The following STARD9 variants were observed in gnomAD, a reference collection of about 807,000 sequenced individuals.
The protein encoded by STARD9 is StAR related lipid transfer domain containing 9.
A neutral mutation model predicts 399.8 loss-of-function variants in STARD9; 346 were observed. The ratio of observed to expected loss-of-function variants is 0.87; its 90% CI spans 0.79 to 0.95. The LOEUF is 0.95. Ranked by LOEUF, STARD9 falls within the 40% of genes least tolerant of loss-of-function variation. The pLI is 0.00. For synonymous variants in STARD9, 2,203 were observed against 2,143.5 expected (o/e 1.03, Z -0.77); for missense variants, 5,832 against 5,667.5 (o/e 1.03, Z -0.93).
chr15:42,667,357 G>T (rs768854587), intron 15 of STARD9, among the ~76,000 whole-genome samples: 4 of 151,366 alleles, frequency 2.6e-5, no homozygotes, highest in Non-Finnish European at 4.4e-5. Context: ...ACTAATTTTT[G>T]TATCTTTAGT....
intron 26 of STARD9, among the ~76,000 whole-genome samples, chr15:42,710,389 T>A (rs2061188796): frequency 6.6e-6 from 1 of 152,100 alleles, no homozygotes. Flanking sequence ...TTGATTTTTT[T>A]ATTGTTATAA....
At chr15:42,697,719 A>G (rs116318862) in intron 26 of STARD9, among the ~76,000 whole-genome samples, 4,341 of 152,300 alleles carry the variant, frequency 0.029, 180 homozygotes, top group African/African-American at 0.088. Flanking sequence ...CCGTGTGTAT[A>G]AGGTATATAT....
intron 3 of STARD9, among the ~76,000 whole-genome samples, chr15:42,617,354 T>C (rs1174435951): frequency 6.6e-6 from 1 of 152,190 alleles, no homozygotes; most frequent in Non-Finnish European, 1.5e-5. Context: ...TGATAACTAT[T>C]ACCTATAATA....
chr15:42,577,153 CT>C (rs1439384843), intron 1 of STARD9, among the ~76,000 whole-genome samples: 6 of 151,492 alleles, frequency 4.0e-5, no homozygotes, highest in Non-Finnish European at 4.4e-5. Context: ...GAATTTCTTT[CT>C]TTTTTCTTTT....
rs1351808283 is a variant in STARD9, at chr15:42,657,471, C to G, written c.703-3687C>G. 2.6e-5 allele frequency among the ~76,000 whole-genome samples: 4 copies of G among 152,196 alleles called. No individual in the cohort carries two copies. In the East Asian group the frequency reaches 7.7e-4, roughly 29 times the overall value. Reference sequence around the variant, plus strand: ...TACAACATTTATAAATGTATGCACCCTGAACAACCAAACCTCAAAATACAT... The same window carrying G: ...TACAACATTTATAAATGTATGCACCGTGAACAACCAAACCTCAAAATACAT... On this transcript the variant is annotated intron_variant, in intron 9 of 32. Coordinates refer to ENST00000290607, the MANE Select transcript of STARD9 (RefSeq NM_020759.3).
chr15:42,655,283 A>G (rs2059844575), intron 9 of STARD9, among the ~76,000 whole-genome samples: 2 of 152,356 alleles, frequency 1.3e-5, no homozygotes, highest in African/African-American at 4.8e-5. Flanking sequence ...CTTCGTCTCA[A>G]AAACAACAAC....
At chr15:42,713,083 G>T (rs2061280100) in intron 26 of STARD9, among the ~76,000 whole-genome samples, 2 of 152,108 alleles carry the variant, frequency 1.3e-5, no homozygotes, top group African/African-American at 2.4e-5. Context: ...GTGAATATGG[G>T]ATGTCATTGT....
At chr15:42,590,363 C>T (rs2058370432) in intron 3 of STARD9, among the ~76,000 whole-genome samples, 1 of 152,116 alleles carries the variant, frequency 6.6e-6, no homozygotes, top group Non-Finnish European at 1.5e-5. Context: ...TCTTTCATCC[C>T]TAGGTTTCTT....
At chr15:42,614,387 G>A (rs1365392815) in intron 3 of STARD9, among the ~76,000 whole-genome samples, 1 of 151,798 alleles carries the variant, frequency 6.6e-6, no homozygotes. Context: ...GTCGAAGTAG[G>A]CACTTCATAG....
intron 9 of STARD9, among the ~76,000 whole-genome samples, chr15:42,660,823 G>A (rs1296711733): frequency 6.6e-6 from 1 of 152,082 alleles, no homozygotes; most frequent in Non-Finnish European, 1.5e-5. Flanking sequence ...AGAGCCCCCT[G>A]GGAGGGAGTT....
At chr15:42,650,922 A>G (rs1595708050) in intron 7 of STARD9, 94 bp from the exon 8 acceptor site, 2 of 823,974 alleles carry the variant, frequency 2.4e-6, no homozygotes, top group East Asian at 2.9e-5. Flanking sequence ...CTATTAAACA[A>G]TATGAAATAG....
At chr15:42,602,028 G>A (rs1387224536) in intron 3 of STARD9, among the ~76,000 whole-genome samples, 1 of 152,136 alleles carries the variant, frequency 6.6e-6, no homozygotes, top group Admixed American at 6.5e-5. Flanking sequence ...TATATTTTTA[G>A]TAGAGACAGT....
intron 16 of STARD9, chr15:42,670,951 G>A (rs1022944017): frequency 6.6e-6 from 1 of 152,090 alleles, no homozygotes; most frequent in Non-Finnish European, 1.5e-5. Flanking sequence ...GATTAAAATG[G>A]TCACTATTTG....
chr15:42,693,913 C>T lies in STARD9; in HGVS notation c.12335C>T (p.Pro4112Leu), dbSNP rs1214009390. The stretch of plus-strand genomic sequence containing the variant: ...TTGGGCCTCCCTCAGGCCTGCCAAC[C>T]TGAGGAGTTACTGTGCTTCAGTTGC... ...SALGLPQACQ[P>L]EELLCFSCQM... Residue 4112 changes from proline to leucine, a missense_variant, in exon 23 of 33, where the codon CCT becomes CTT. By Grantham distance (98) the Pro-to-Leu change is moderately conservative. Transcript: ENST00000290607. 2.0e-6 allele frequency: 3 copies of T among 1,517,218 alleles called. No homozygotes were observed. Among genetic ancestry groups the T allele is most frequent in the African/African-American group, 1.4e-5 (1 of 72,722 alleles). 94.0% of individuals were successfully genotyped at this position (1,517,218 alleles called of 1,614,324 possible).
At chr15:42,699,374 G>T (rs1194858351) in intron 26 of STARD9, among the ~76,000 whole-genome samples, 2 of 140,690 alleles carry the variant, frequency 1.4e-5, no homozygotes, top group Non-Finnish European at 3.0e-5. Context: ...TCTTCTATGA[G>T]ATCAACTTTT....
Position 42,685,671 on chromosome 15 carries a change from G to T in STARD9, c.4093G>T (p.Glu1365Ter). 6.5e-7 allele frequency: 1 copy of T among 1,537,286 alleles called. No homozygotes were observed. Among genetic ancestry groups the T allele is most frequent in the Non-Finnish European group, 8.7e-7 (1 of 1,146,942 alleles). Residue 1365 changes from glutamate (E) to a stop codon, truncating the protein, a stop_gained, in exon 23 of 33, where the codon GAA (glutamate) becomes TAA (stop). Transcript: ENST00000290607. LOFTEE classifies it high-confidence loss of function. ...GSLCPSPDMQ[E>*]FHSCKGERPG... ...TTTATGTCCAAGTCCTGATATGCAG[G>T]AATTTCACTCCTGTAAGGGGGAGAG...
At position 42,685,656 on chromosome 15, in the gene STARD9, A is replaced by C. The variant is rs2060536124; in HGVS notation, c.4078A>C (p.Ser1360Arg). ...PPGIVGSLCP[S>R]PDMQEFHSCK... is the part of the protein sequence containing the mutation. ...AGGAATAGTGGGTTCTTTATGTCCA[A>C]GTCCTGATATGCAGGAATTTCACTC... Residue 1360 changes from serine (S) to arginine (R), a missense_variant, in exon 23 of 33, where the codon AGT becomes CGT. This residue lies in a region of STARD9 where 5,828 missense variants were observed against 5,651.1 expected (regional missense o/e 1.03). Transcript: ENST00000290607. The C allele has an allele frequency of 6.5e-7, 1 of 1,537,244 alleles. No homozygotes were observed. The highest frequency in any genetic ancestry group is 2.4e-5 in the East Asian group (1 of 40,908).
At chr15:42,653,663 A>C (rs576093894) in intron 9 of STARD9, among the ~76,000 whole-genome samples, 33 of 152,248 alleles carry the variant, frequency 2.2e-4, no homozygotes, top group African/African-American at 7.7e-4. Context: ...GATTGGAAAA[A>C]TAAAAAGTAG....
In STARD9 at chr15:42,707,712, C is replaced by T. The variant is rs142421017; in HGVS notation, c.13285-8965C>T. On this transcript the variant is annotated intron_variant, in intron 26 of 32. Transcript: ENST00000290607. ...GTCTTGAACTCCTGACCTCATGATC[C>T]GCCCATAAGATGAGATATATTACTA... is the stretch of plus-strand genomic sequence containing the variant. 3.2e-4 allele frequency among the ~76,000 whole-genome samples: 48 copies of T among 151,984 alleles called. No homozygotes were observed. In the East Asian group the frequency reaches 5.2e-3, roughly 17 times the overall value.
Sources: allele counts gnomAD v4.1 joint callset (sites outside exome capture counted in the v4.1 genomes callset), GRCh38; gene constraint gnomAD v4.1.1; regional missense constraint gnomAD v4.1.1; transcripts MANE v1.5; gene names NCBI Gene and HGNC (gene_info 2026-07-23, HGNC 2026-07-21).